The following UBE2G1 variants were observed in gnomAD, a reference collection of about 807,000 sequenced individuals.
The protein encoded by UBE2G1 is ubiquitin-conjugating enzyme E2 G1.
UBE2G1 carries 5 observed loss-of-function variants against 22.7 expected under a neutral mutation model. That is an observed-to-expected ratio of 0.22 (90% CI 0.12 to 0.46). UBE2G1 has a LOEUF of 0.46. Among genes scored for constraint, UBE2G1 ranks in the 20% least tolerant of loss-of-function variants. The pLI is 0.99. For synonymous variants in UBE2G1, 74 were observed against 67.5 expected (o/e 1.10, Z -0.47); for missense variants, 88 against 203.9 (o/e 0.43, Z 3.46).
chr17:4,300,773 G>C (rs1567518243), intron 2 of UBE2G1, among the ~76,000 whole-genome samples: 1 of 151,232 alleles, frequency 6.6e-6, no homozygotes, highest in Non-Finnish European at 1.5e-5. Context: ...GACCAGCATG[G>C]CCGAGATGGT....
intron 5 of UBE2G1, among the ~76,000 whole-genome samples, chr17:4,275,048 C>A (rs899502354): frequency 6.6e-6 from 1 of 151,874 alleles, no homozygotes; most frequent in Admixed American, 6.6e-5. Flanking sequence ...CAGAACAGGG[C>A]AGGGGAGGAC....
At chr17:4,297,320 A>G (rs544707367) in intron 2 of UBE2G1, among the ~76,000 whole-genome samples, 1 of 152,290 alleles carries the variant, frequency 6.6e-6, no homozygotes, top group Non-Finnish European at 1.5e-5. Flanking sequence ...ACAAGTATTT[A>G]CTCGGCATTT....
chr17:4,309,091 C>T (rs1193912477), intron 1 of UBE2G1, among the ~76,000 whole-genome samples: 1 of 152,048 alleles, frequency 6.6e-6, no homozygotes, highest in Non-Finnish European at 1.5e-5. Context: ...GAAACCCTGT[C>T]TTTAGTAAAA....
intron 1 of UBE2G1, among the ~76,000 whole-genome samples, chr17:4,359,982 C>T (rs554126257): frequency 6.6e-6 from 1 of 151,942 alleles, no homozygotes; most frequent in East Asian, 1.9e-4. Flanking sequence ...CCTGAAACTA[C>T]ATTTTATTCT....
intron 1 of UBE2G1, among the ~76,000 whole-genome samples, chr17:4,362,300 C>T (rs1969978519): frequency 6.6e-6 from 1 of 152,130 alleles, no homozygotes; most frequent in Non-Finnish European, 1.5e-5. Context: ...CCATAATGGT[C>T]TTCTCTGAAA....
At chr17:4,364,275 A>T (rs1245417137) in intron 1 of UBE2G1, 1 of 144,014 alleles carries the variant, frequency 6.9e-6, no homozygotes, top group African/African-American at 2.7e-5. Context: ...AAAAAAAAAA[A>T]AAAAATGCAA....
At chr17:4,344,592 C>G (rs552944295) in intron 1 of UBE2G1, among the ~76,000 whole-genome samples, 86 of 151,374 alleles carry the variant, frequency 5.7e-4, no homozygotes, top group African/African-American at 1.7e-3. Context: ...CAGCCAGGTG[C>G]GGTGACTCAC....
chr17:4,354,671 T>G (rs1969884462), intron 1 of UBE2G1, among the ~76,000 whole-genome samples: 1 of 152,166 alleles, frequency 6.6e-6, no homozygotes, highest in Admixed American at 6.6e-5. Flanking sequence ...AATATTTGGC[T>G]GGGGCAAAGA....
intron 1 of UBE2G1, among the ~76,000 whole-genome samples, chr17:4,342,386 T>C (rs1969721744): frequency 6.6e-6 from 1 of 152,154 alleles, no homozygotes; most frequent in African/African-American, 2.4e-5. Context: ...TCCCAGCATT[T>C]TAGGAGGCCA....
At chr17:4,311,115 A>G (rs959360787) in intron 1 of UBE2G1, among the ~76,000 whole-genome samples, 3 of 152,076 alleles carry the variant, frequency 2.0e-5, no homozygotes, top group African/African-American at 7.2e-5. Context: ...AGTCCCAGCT[A>G]CTCGGGGAGG....
At chr17:4,297,526 A>G (rs1041154750) in intron 2 of UBE2G1, among the ~76,000 whole-genome samples, 2 of 152,354 alleles carry the variant, frequency 1.3e-5, no homozygotes, top group South Asian at 4.1e-4. Context: ...ACACTTAATC[A>G]GCAGTCATTC....
chr17:4,320,208 G>T (rs998076614), intron 1 of UBE2G1, among the ~76,000 whole-genome samples: 1 of 152,060 alleles, frequency 6.6e-6, no homozygotes, highest in Non-Finnish European at 1.5e-5. Flanking sequence ...ATTAGAAAAT[G>T]GGAAGGGAAT....
intron 2 of UBE2G1, chr17:4,301,785 A>G (rs1969183161): frequency 3.4e-6 from 2 of 586,980 alleles, no homozygotes; most frequent in Non-Finnish European, 6.6e-6. Flanking sequence ...TGGTTTAAAG[A>G]CAAAGAATTA....
intron 3 of UBE2G1, among the ~76,000 whole-genome samples, chr17:4,290,673 G>T (rs1405018039): frequency 3.3e-5 from 5 of 149,882 alleles, no homozygotes; most frequent in African/African-American, 9.8e-5. Flanking sequence ...AGAGATGGGG[G>T]TCTCACTATG....
intron 4 of UBE2G1, among the ~76,000 whole-genome samples, chr17:4,285,096 G>C (rs944113956): frequency 6.6e-6 from 1 of 151,836 alleles, no homozygotes; most frequent in South Asian, 2.1e-4. Context: ...CACCTGCCTC[G>C]GCCTCCCAAA....
chr17:4,309,934 G>A (rs921279603), intron 1 of UBE2G1, among the ~76,000 whole-genome samples: 1 of 152,074 alleles, frequency 6.6e-6, no homozygotes, highest in Non-Finnish European at 1.5e-5. Flanking sequence ...GAAATCTTTT[G>A]CCCATTCTTT....
intron 1 of UBE2G1, among the ~76,000 whole-genome samples, chr17:4,353,774 T>G (rs1010022767): frequency 1.3e-5 from 2 of 151,278 alleles, no homozygotes; most frequent in African/African-American, 2.4e-5. Context: ...CCTCCCAAAG[T>G]GCTGGGAATA....
At chr17:4,362,616 C>G (rs944055945) in intron 1 of UBE2G1, among the ~76,000 whole-genome samples, 1 of 152,240 alleles carries the variant, frequency 6.6e-6, no homozygotes, top group South Asian at 2.1e-4. Flanking sequence ...TATATTCTAC[C>G]AAGTAATTAA....
chr17:4,302,367 T>A, intron 2 of UBE2G1: 1 of 485,728 alleles, frequency 2.1e-6, no homozygotes, highest in Admixed American at 2.2e-5. Flanking sequence ...GTGGAGCCCT[T>A]GGGTTGCTGT....
Sources: allele counts gnomAD v4.1 joint callset (sites outside exome capture counted in the v4.1 genomes callset), GRCh38; gene constraint gnomAD v4.1.1; transcripts MANE v1.5; gene names NCBI Gene and HGNC (gene_info 2026-07-23, HGNC 2026-07-21).